Variants in NTSR2 observed in about 807,000 individuals in gnomAD.
NTSR2 encodes neurotensin receptor 2.
NTSR2 carries 22 observed loss-of-function variants against 24.1 expected under a neutral mutation model. That is an observed-to-expected ratio of 0.91 (90% CI 0.65 to 1.30). The LOEUF (loss-of-function observed/expected upper bound fraction) is 1.30. NTSR2 is among the 50% of genes most tolerant of loss of function. The probability of loss-of-function intolerance (pLI) is 0.00; values close to 1 mark genes in which losing one functional copy is unlikely to be tolerated. For missense variants in NTSR2, 570 were observed against 570.4 expected (o/e 1.00, Z 0.01); for synonymous variants, 291 against 267.0 (o/e 1.09, Z -0.88).
chr2:11,662,100 C>G lies in NTSR2; in HGVS notation c.765G>C (p.Glu255Asp), dbSNP rs894659672. The change falls in exon 2 of 4, where the codon GAG becomes GAC. Residue 255 changes from glutamate to aspartate, a missense_variant. Transcript: ENST00000306928. ...TGAGGAGACCCTCCTCACTCAGCAG[C>G]TCCAGGCGGCTGGGGGTGGAGCTGC... ...TPGSSTPSRL[E>D]LLSEEGLLSF... 1 of 1,613,420 alleles carries G rather than the reference C, an allele frequency of 6.2e-7. No homozygotes were observed. Among genetic ancestry groups the G allele is most frequent in the Non-Finnish European group, 8.5e-7 (1 of 1,179,854 alleles).
At position 11,662,156 on chromosome 2, in the gene NTSR2, A is replaced by C. The variant is rs1661087628; in HGVS notation, c.709T>G (p.Cys237Gly). The C allele has an allele frequency of 1.2e-6, 2 of 1,602,222 alleles. No homozygotes were observed. The highest frequency in any genetic ancestry group is 1.7e-5 in the Admixed American group (1 of 57,932). Residue 237 changes from cysteine to glycine, a missense_variant, in exon 2 of 4, where the codon TGC becomes GGC. Physicochemically the swap from Cys to Gly is radical, Grantham distance 159. Coordinates refer to ENST00000306928, the MANE Select transcript of NTSR2 (RefSeq NM_012344.4). ...GVTVSHLLAL[C>G]SQVPSTSTPG... The stretch of plus-strand genomic sequence containing the variant: ...GTAGAAGTGGACGGCACTTGGGAGC[A>C]GAGGGCCAGCAGGTGGCTCACTGTG...
At chr2:11,660,235 T>C (rs1461005880) in intron 2 of NTSR2, 102 bp from the exon 3 acceptor site, 1 of 870,026 alleles carries the variant, frequency 1.1e-6, no homozygotes, top group African/African-American at 1.6e-5. Context: ...GATAGCAGCA[T>C]TTCCCTCTAA....
chr2:11,658,216 C>A lies in NTSR2; in HGVS notation c.*263G>T. 2.7e-6 allele frequency: 1 copy of A among 372,732 alleles called. No homozygotes were observed. The highest frequency in any genetic ancestry group is 4.8e-6 in the Non-Finnish European group (1 of 209,382). 23.1% of individuals were successfully genotyped at this position (372,732 alleles called of 1,614,324 possible). A position where few individuals can be genotyped will look rare whatever the true frequency, so the allele number is the denominator to read the frequency against. Reference sequence around the variant, plus strand: ...AATTTATTGAGCATCTACTACGCACCAGGTTCTGTGCTAAGCACTTTAGTC... The same window carrying A: ...AATTTATTGAGCATCTACTACGCACAAGGTTCTGTGCTAAGCACTTTAGTC... On this transcript the variant is annotated 3_prime_UTR_variant, in exon 4 of 4. Coordinates refer to ENST00000306928, the MANE Select transcript of NTSR2 (RefSeq NM_012344.4).
Position 11,670,088 on chromosome 2 carries a change from G to A in NTSR2, c.42C>T (p.Asn14=). The A allele has an allele frequency of 1.4e-6, 2 of 1,436,370 alleles. No individual in the cohort carries two copies. The highest frequency in any genetic ancestry group is 1.5e-5 in the South Asian group (1 of 68,194). The allele number at this position is 1,436,370 out of a possible 1,614,324, so 89.0% of individuals were successfully genotyped here. ...GCCGGGCGTCCAGGCTCAGCCCCGG[G>A]TTGGAGCTGGGCCGCGGGGGCCGCG... ...SSPRPPRPSS[N]PGLSLDARLG... The change falls in exon 1 of 4, where the codon AAC becomes AAT. Residue 14 remains asparagine (N), a synonymous_variant. Transcript: ENST00000306928.
intron 1 of NTSR2, among the ~76,000 whole-genome samples, chr2:11,662,780 CA>C (rs36081202): frequency 1.2e-3 from 186 of 149,988 alleles, no homozygotes; most frequent in South Asian, 1.5e-3. Context: ...GACTCCGTCT[CA>C]AAAAAAAAAT....
chr2:11,669,565 G>A lies in NTSR2; in HGVS notation c.565C>T (p.Pro189Ser). The A allele has an allele frequency of 6.4e-7, 1 of 1,566,274 alleles. No homozygotes were observed. The highest frequency in any genetic ancestry group is 1.2e-5 in the South Asian group (1 of 85,904). ...AGCACCGTGCACACTCGCGAGGCGG[G>A]CTCCGGCTCCCCGTCCGCCGTCTCG... ...ELETADGEPE[P>S]ASRVCTVLVS... is the part of the protein sequence containing the mutation. Residue 189 changes from proline (P) to serine (S), a missense_variant, in exon 1 of 4, where the codon CCC (proline) becomes TCC (serine). By Grantham distance (74) the Pro-to-Ser change is moderately conservative. Coordinates refer to ENST00000306928, the MANE Select transcript of NTSR2 (RefSeq NM_012344.4).
At chr2:11,659,860 T>C (rs1321241766) in intron 3 of NTSR2, among the ~76,000 whole-genome samples, 183 bp downstream of exon 3, 1 of 152,092 alleles carries the variant, frequency 6.6e-6, no homozygotes, top group East Asian at 1.9e-4. Context: ...TCAGATACAA[T>C]GTTCTGTTCC....
rs114415067 is a variant in NTSR2, at chr2:11,669,965, G to A, written c.165C>T (p.His55=). 109,686 of 1,513,764 alleles carry A rather than the reference G, an allele frequency of 0.072. 4,644 individuals are homozygous for A. The highest frequency in any genetic ancestry group is 0.084 in the Non-Finnish European group (96,079 of 1,137,530). The allele number at this position is 1,513,764 out of a possible 1,614,324, so 93.8% of individuals were successfully genotyped here. A position where few individuals can be genotyped will look rare whatever the true frequency, so the allele number is the denominator to read the frequency against. The part of the protein sequence containing the change: ...LGAAGNALSA[H]VVLKARAGRA... ...GCCCGGCCCGCGCCTTCAGCACCAC[G>A]TGCGCGGACAGCGCATTGCCCGCCG... Residue 55 remains histidine (H), a synonymous_variant, in exon 1 of 4, where the codon CAC becomes CAT. Transcript: ENST00000306928.
At position 11,662,183 on chromosome 2, in the gene NTSR2, C is replaced by A; in HGVS notation, c.682G>T (p.Val228Phe). The change falls in exon 2 of 4, where the codon GTC becomes TTC. Residue 228 changes from valine to phenylalanine, a missense_variant. Physicochemically the swap from Val to Phe is conservative, Grantham distance 50. Transcript: ENST00000306928. ...AGGGCCAGCAGGTGGCTCACTGTGA[C>A]CCCATTCAGGAAAGCAGTTAGTGCC... is the stretch of plus-strand genomic sequence containing the variant. ...PLALTAFLNG[V>F]TVSHLLALCS... The A allele has an allele frequency of 6.3e-7, 1 of 1,580,796 alleles. No homozygotes were observed. Among genetic ancestry groups the A allele is most frequent in the East Asian group, 2.3e-5 (1 of 44,106 alleles).
chr2:11,661,051 C>A (rs1661061315), intron 2 of NTSR2, among the ~76,000 whole-genome samples: 1 of 152,176 alleles, frequency 6.6e-6, no homozygotes, highest in Non-Finnish European at 1.5e-5. Context: ...CTCTGACTGG[C>A]AAAGCCATCA....
chr2:11,663,035 T>A (rs1389160011), intron 1 of NTSR2, among the ~76,000 whole-genome samples: 1 of 152,254 alleles, frequency 6.6e-6, no homozygotes, highest in African/African-American at 2.4e-5. Flanking sequence ...TAGAAAATCA[T>A]GAGCAGTGCT....
At position 11,658,635 on chromosome 2, in the gene NTSR2, G is replaced by A. The variant is rs149146363; in HGVS notation, c.1077C>T (p.Asn359=). 5.0e-5 allele frequency: 81 copies of A among 1,614,052 alleles called. No homozygotes were observed. In the African/African-American group the frequency reaches 8.4e-4, roughly 17 times the overall value. The change falls in exon 4 of 4, where the codon AAC becomes AAT. Residue 359 remains asparagine (N), a synonymous_variant. Transcript: ENST00000306928. ...VSSAVTPLLY[N]AVSSSFRKLF... is the part of the protein sequence containing the mutation. ...GTTTTCTGAAGGAGGAGGACACGGC[G>A]TTGTAGAGAAGAGGAGTCACAGCTG... is the stretch of plus-strand genomic sequence containing the variant.
At position 11,669,532 on chromosome 2, in the gene NTSR2, G is replaced by T. The variant is rs773385020; in HGVS notation, c.598C>A (p.Arg200Ser). ...ASRVCTVLVSRTALQVFIQVN... is the reference protein window; with the variant it reads ...ASRVCTVLVSSTALQVFIQVN... ...TGGATAAAGACTTGGAGCGCGGTGC[G>T]GCTCACCAGCACCGTGCACACTCGC... Residue 200 changes from arginine (R) to serine (S), a missense_variant, in exon 1 of 4, where the codon CGC becomes AGC. By Grantham distance (110) the Arg-to-Ser change is moderately radical (BLOSUM62 -1). Transcript: ENST00000306928. 6.8e-7 allele frequency: 1 copy of T among 1,466,080 alleles called. No individual in the cohort carries two copies. Among genetic ancestry groups the T allele is most frequent in the Admixed American group, 2.3e-5 (1 of 42,636 alleles). The allele number at this position is 1,466,080 out of a possible 1,614,324, so 90.8% of individuals were successfully genotyped here. A position where few individuals can be genotyped will look rare whatever the true frequency, so the allele number is the denominator to read the frequency against.
intron 2 of NTSR2, among the ~76,000 whole-genome samples, 164 bp downstream of exon 2, chr2:11,661,803 A>G (rs1212249825): frequency 6.6e-6 from 1 of 152,198 alleles, no homozygotes; most frequent in East Asian, 1.9e-4. Context: ...TATAGCACCG[A>G]ACCCTACAGG....
At chr2:11,669,462 C>CCCG in intron 1 of NTSR2, 44 bp downstream of exon 1, 1 of 155,788 alleles carries the variant, frequency 6.4e-6, no homozygotes, top group Non-Finnish European at 1.3e-5. Flanking sequence ...CCAGCACCGC[C>CCCG]CCCCCACCCC....
chr2:11,669,460 G>GGGGGGGGGGGGGGGGGGGGGCC, intron 1 of NTSR2, 46 bp downstream of exon 1: 1 of 254,724 alleles, frequency 3.9e-6, no homozygotes, highest in East Asian at 5.5e-5. Flanking sequence ...TCCCAGCACC[G>GGGGGGGGGGGGGGGGGGGGGCC]CCCCCCCACC....
chr2:11,665,565 T>G (rs1661179999), intron 1 of NTSR2: 1 of 151,486 alleles, frequency 6.6e-6, no homozygotes, highest in Admixed American at 6.6e-5. Context: ...GGACTCGAAT[T>G]TACTCAGGAT....
rs780519875 is a variant in NTSR2 at position 11,669,466 on chromosome 2, C to T, written c.624+40G>A. The T allele has an allele frequency of 1.8e-4, 29 of 161,062 alleles. 1 individual carries two copies. Among genetic ancestry groups the T allele is most frequent in the Non-Finnish European group, 2.6e-4 (20 of 77,770 alleles). 10.0% of individuals were successfully genotyped at this position (161,062 alleles called of 1,614,324 possible). A position where few individuals can be genotyped will look rare whatever the true frequency, so the allele number is the denominator to read the frequency against. On this transcript the variant is annotated intron_variant, in intron 1 of 3. Coordinates refer to ENST00000306928, the MANE Select transcript of NTSR2 (RefSeq NM_012344.4). ...GTTCCCTCCTCCCAGCACCGCCCCCCCACCCCCCCTCCCCCGACTCCCGCT... is the reference window on the plus strand; with the variant it reads ...GTTCCCTCCTCCCAGCACCGCCCCCTCACCCCCCCTCCCCCGACTCCCGCT...
chr2:11,665,363 T>TA lies in NTSR2; in HGVS notation c.625-3124dup, dbSNP rs1373552255. 6 of 151,652 alleles carry TA rather than the reference T, an allele frequency of 4.0e-5. No individual in the cohort carries two copies. In the East Asian group the frequency reaches 5.8e-4, roughly 15 times the overall value. The allele number at this position is 151,652 out of a possible 1,614,324, so 9.4% of individuals were successfully genotyped here. Reference sequence around the variant, plus strand: ...GGCTAGAGGTTACTAGTGTGGATGATAAAAAATATTCGTTCTGACATTAGT... The same window carrying TA: ...GGCTAGAGGTTACTAGTGTGGATGATAAAAAAATATTCGTTCTGACATTAGT... On this transcript the variant is annotated intron_variant, in intron 1 of 3. Transcript: ENST00000306928.
Sources: allele counts gnomAD v4.1 joint callset (sites outside exome capture counted in the v4.1 genomes callset), GRCh38; gene constraint gnomAD v4.1.1; transcripts MANE v1.5; gene names NCBI Gene and HGNC (gene_info 2026-07-23, HGNC 2026-07-21).